The following MECOM variants were observed in gnomAD, a reference collection of about 807,000 sequenced individuals.
MECOM encodes histone-lysine N-methyltransferase MECOM.
MECOM carries 13 observed loss-of-function variants against 116.3 expected under a neutral mutation model. That is an observed-to-expected ratio of 0.11 (90% confidence interval 0.07 to 0.18). MECOM has a LOEUF of 0.18. MECOM is among the 10% of genes least tolerant of loss of function. The pLI is 1.00. For missense variants in MECOM, 1,299 were observed against 1,509.0 expected, an observed-to-expected ratio of 0.86 and a Z score of 2.31; for synonymous variants, 528 against 535.2, an observed-to-expected ratio of 0.99 and a Z score of 0.19.
chr3:169,159,515 C>T (rs1165462715), intron 2 of MECOM, among the ~76,000 whole-genome samples: 1 of 152,008 alleles, frequency 6.6e-6, no homozygotes, highest in African/African-American at 2.4e-5. Flanking sequence ...GCCAAGATCA[C>T]GCCACTGCAT....
chr3:169,472,652 A>G (rs201217739), intron 1 of MECOM, among the ~76,000 whole-genome samples: 3,962 of 52,280 alleles, frequency 0.076, 542 homozygotes, highest in African/African-American at 0.14. Flanking sequence ...GGAAAGGAAA[A>G]GAAAAGAAAG....
intron 1 of MECOM, among the ~76,000 whole-genome samples, chr3:169,450,073 G>C (rs1035162335): frequency 6.6e-6 from 1 of 152,160 alleles, no homozygotes; most frequent in African/African-American, 2.4e-5. Context: ...TTCTTACTCT[G>C]TCTAGGGAAT....
chr3:169,588,940 T>C lies in MECOM; in HGVS notation c.37+74396A>G, dbSNP rs963852642. Among the ~76,000 whole-genome samples the C allele has an allele frequency of 2.0e-5, 3 of 152,148 alleles. No homozygotes were observed. In the South Asian group the frequency reaches 6.2e-4, roughly 32 times the overall value. ...CGGAAAAGTAAATTTGGAAATCTTT[T>C]AGGTAAATGAAATACATAGGGTTTT... On this transcript the variant is annotated intron_variant, in intron 1 of 16. Transcript: ENST00000651503.
chr3:169,558,416 A>G (rs1376439506), intron 1 of MECOM, among the ~76,000 whole-genome samples: 2 of 152,238 alleles, frequency 1.3e-5, no homozygotes, highest in African/African-American at 4.8e-5. Context: ...CCTCACCAGT[A>G]GACGCCCATT....
At chr3:169,259,113 G>A (rs562779472) in intron 2 of MECOM, among the ~76,000 whole-genome samples, 6 of 152,066 alleles carry the variant, frequency 3.9e-5, no homozygotes, top group Non-Finnish European at 7.4e-5. Context: ...GCCCTAATGA[G>A]TTGTATTATA....
intron 1 of MECOM, among the ~76,000 whole-genome samples, chr3:169,537,738 C>G (rs1459582373): frequency 6.6e-6 from 1 of 151,250 alleles, no homozygotes; most frequent in Admixed American, 6.6e-5. Flanking sequence ...AAAAAACTTA[C>G]CCAAGGAATT....
chr3:169,133,812 C>T, intron 3 of MECOM: 3 of 720,192 alleles, frequency 4.2e-6, no homozygotes, highest in Non-Finnish European at 6.1e-6. Context: ...TGCTTTTTTC[C>T]CCTAAACTTT....
intron 1 of MECOM, among the ~76,000 whole-genome samples, chr3:169,660,414 T>G (rs1426179907): frequency 1.3e-5 from 2 of 152,188 alleles, no homozygotes; most frequent in African/African-American, 2.4e-5. Flanking sequence ...CAAACTGTGT[T>G]GTGCATTCAA....
rs1739164329 is a variant in MECOM at position 169,418,695 on chromosome 3, AC to A, written c.38-37172del. 2.6e-5 allele frequency among the ~76,000 whole-genome samples: 4 copies of A among 152,172 alleles called. No homozygotes were observed. In the South Asian group the frequency reaches 6.2e-4, roughly 24 times the overall value. Reference sequence around the variant, plus strand: ...GAAAAGGCCTTCGATAAAATTCAACACCCCTTCACGATAAAAACACTCAATA... The same window carrying A: ...GAAAAGGCCTTCGATAAAATTCAACACCCTTCACGATAAAAACACTCAATA... On this transcript the variant is annotated intron_variant, in intron 1 of 16. Coordinates refer to ENST00000651503, the MANE Select transcript of MECOM (RefSeq NM_004991.4).
intron 2 of MECOM, among the ~76,000 whole-genome samples, chr3:169,285,730 G>A (rs745721348): frequency 4.6e-5 from 7 of 152,130 alleles, no homozygotes; most frequent in African/African-American, 7.2e-5. Flanking sequence ...TGCACAATCC[G>A]TAACAAAGTC....
intron 1 of MECOM, among the ~76,000 whole-genome samples, chr3:169,604,988 T>C (rs966990404): frequency 6.6e-6 from 1 of 152,160 alleles, no homozygotes; most frequent in Non-Finnish European, 1.5e-5. Flanking sequence ...TGATATTATC[T>C]AAAGGGCAAG....
chr3:169,409,142 T>C (rs1336313120), intron 1 of MECOM, among the ~76,000 whole-genome samples: 2 of 152,222 alleles, frequency 1.3e-5, no homozygotes, highest in Non-Finnish European at 2.9e-5. Context: ...TCAACTCATT[T>C]ATAAAGTTGA....
rs1716941926 is a variant in MECOM, at chr3:169,084,070, G to A, written c.*839C>T. On this transcript the variant is annotated 3_prime_UTR_variant, in exon 17 of 17. Transcript: ENST00000651503. The stretch of plus-strand genomic sequence containing the variant: ...GACGTCATAAAGTAGTGGCTGACTG[G>A]AACAGTGCTATTTTAATCAACAAAC... 4.3e-6 allele frequency: 1 copy of A among 231,438 alleles called. No homozygotes were observed. The highest frequency in any genetic ancestry group is 6.1e-5 in the East Asian group (1 of 16,332). The allele number at this position is 231,438 out of a possible 1,614,324, so 14.3% of individuals were successfully genotyped here.
At chr3:169,106,535 T>G (rs1725502194) in intron 10 of MECOM, among the ~76,000 whole-genome samples, 1 of 152,106 alleles carries the variant, frequency 6.6e-6, no homozygotes, top group Non-Finnish European at 1.5e-5. Flanking sequence ...CAAATGTAAA[T>G]CACATCTCTG....
rs1761326342 is a variant in MECOM, at chr3:169,550,972, CGCCACTACGCCCG to C, written c.37+112351_37+112363del. On this transcript the variant is annotated intron_variant, in intron 1 of 16. Transcript: ENST00000651503. ...CCAAGTAGCTGGGACTACAGGCGCC[CGCCACTACGCCCG>C]GCTAATTTTTTGTATTTTTAGTAGA... Among the ~76,000 whole-genome samples the C allele has an allele frequency of 1.6e-5, 2 of 126,688 alleles. 1 individual carries two copies. 83.1% of individuals were successfully genotyped at this position (126,688 alleles called of 152,430 possible).
At chr3:169,298,167 C>A (rs1172073559) in intron 2 of MECOM, among the ~76,000 whole-genome samples, 1 of 152,052 alleles carries the variant, frequency 6.6e-6, no homozygotes, top group South Asian at 2.1e-4. Context: ...ATAAAAATGT[C>A]TTTTATTTAC....
Position 169,374,613 on chromosome 3 carries a change from C to T in MECOM, c.375+6574G>A, listed in dbSNP as rs574163879. Among the ~76,000 whole-genome samples, 354 of 152,068 alleles carry T rather than the reference C, an allele frequency of 2.3e-3. 7 individuals are homozygous for T. Among genetic ancestry groups the T allele is most frequent in the African/African-American group, 7.8e-3 (325 of 41,518 alleles). On this transcript the variant is annotated intron_variant, in intron 2 of 16. Coordinates refer to ENST00000651503, the MANE Select transcript of MECOM (RefSeq NM_004991.4). Reference sequence around the variant, plus strand: ...CAGAAGCCTGCTTTCTACTGCTCTGCGTGCAATTCTCACGTTGTCTCATAA... The same window carrying T: ...CAGAAGCCTGCTTTCTACTGCTCTGTGTGCAATTCTCACGTTGTCTCATAA...
At chr3:169,085,097 T>C in intron 16 of MECOM, 54 bp from the exon 17 acceptor site, 2 of 1,606,170 alleles carry the variant, frequency 1.2e-6, no homozygotes, top group Non-Finnish European at 1.7e-6. Context: ...ACATCACTTT[T>C]AGTTCAAAGA....
At chr3:169,518,299 A>C (rs1756937426) in intron 1 of MECOM, among the ~76,000 whole-genome samples, 1 of 152,110 alleles carries the variant, frequency 6.6e-6, no homozygotes, top group Non-Finnish European at 1.5e-5. Context: ...TGACAGGTAT[A>C]GTACTGGTGT....
Sources: allele counts gnomAD v4.1 joint callset (sites outside exome capture counted in the v4.1 genomes callset), GRCh38; gene constraint gnomAD v4.1.1; transcripts MANE v1.5; gene names NCBI Gene and HGNC (gene_info 2026-07-23, HGNC 2026-07-21).